The following BBS4 variants were observed in gnomAD, a reference collection of about 807,000 sequenced individuals.
BBS4 encodes the protein Bardet-Biedl syndrome 4, also known as BBSome complex member BBS4.
A neutral mutation model predicts 71.4 loss-of-function variants in BBS4; 58 were observed. That is an observed-to-expected ratio of 0.81 (90% CI 0.66 to 1.01). The LOEUF is 1.01. BBS4 is among the 50% of genes least tolerant of loss of function. BBS4 has a pLI of 0.00. For missense variants in BBS4, 660 were observed against 607.9 expected (o/e 1.09, Z -0.90); for synonymous variants, 228 against 216.8 (o/e 1.05, Z -0.46).
chr15:72,714,220 CTTTTTTTTT>C (rs58123834), intron 4 of BBS4, among the ~76,000 whole-genome samples: 3 of 98,448 alleles, frequency 3.0e-5, no homozygotes, highest in Admixed American at 1.3e-4. Context: ...CACTCACTTA[CTTTTTTTTT>C]TTTTTTTTTT....
intron 1 of BBS4, among the ~76,000 whole-genome samples, chr15:72,691,335 A>G (rs934680503): frequency 6.6e-6 from 1 of 152,110 alleles, no homozygotes; most frequent in African/African-American, 2.4e-5. Context: ...GCTTTAAAGG[A>G]TAATATAATG....
intron 2 of BBS4, among the ~76,000 whole-genome samples, chr15:72,700,998 A>G (rs116327443): frequency 8.9e-4 from 136 of 152,336 alleles, no homozygotes; most frequent in African/African-American, 3.1e-3. Flanking sequence ...AAGTACATAC[A>G]TAAATCATAA....
chr15:72,716,485 CT>C (rs1334466460), intron 5 of BBS4, among the ~76,000 whole-genome samples: 1 of 152,122 alleles, frequency 6.6e-6, no homozygotes, highest in Non-Finnish European at 1.5e-5. Flanking sequence ...AGGCTTATTT[CT>C]TTTTTGGTCT....
chr15:72,722,972 T>G (rs777950566), intron 7 of BBS4, 125 bp downstream of exon 7: 1 of 770,432 alleles, frequency 1.3e-6, no homozygotes, highest in Non-Finnish European at 2.2e-6. Context: ...TGAAAGTACC[T>G]TTATACATTT....
At chr15:72,735,994 C>G in intron 14 of BBS4, 28 bp downstream of exon 14, 1 of 1,613,448 alleles carries the variant, frequency 6.2e-7, no homozygotes, top group Non-Finnish European at 8.5e-7. Flanking sequence ...TCCCAAGAGT[C>G]ATAAGTAAGC....
chr15:72,706,835 AT>A (rs952171764), intron 2 of BBS4, among the ~76,000 whole-genome samples: 2 of 151,668 alleles, frequency 1.3e-5, no homozygotes, highest in Admixed American at 6.6e-5. Flanking sequence ...CTTCTTTTTT[AT>A]TTTTTTAAAA....
intron 2 of BBS4, 63 bp downstream of exon 2, chr15:72,695,291 A>C: frequency 8.1e-7 from 1 of 1,232,582 alleles, no homozygotes; most frequent in Non-Finnish European, 1.2e-6. Context: ...TTATTTATTT[A>C]TTTATTTTTT....
intron 2 of BBS4, chr15:72,704,496 G>A (rs779804062): frequency 1.6e-6 from 2 of 1,244,108 alleles, no homozygotes; most frequent in African/African-American, 1.5e-5. Flanking sequence ...AATTCTAATT[G>A]TAAATTCAGG....
At chr15:72,689,710 CTT>C (rs1468148481) in intron 1 of BBS4, among the ~76,000 whole-genome samples, 1 of 85,768 alleles carries the variant, frequency 1.2e-5, no homozygotes, top group African/African-American at 4.0e-5. Flanking sequence ...CAGAGTGAGA[CTT>C]TGTCTGAAAA....
intron 8 of BBS4, among the ~76,000 whole-genome samples, chr15:72,725,709 C>T (rs1200287955): frequency 3.6e-5 from 4 of 112,226 alleles, no homozygotes; most frequent in Non-Finnish European, 5.3e-5. Flanking sequence ...CCTTCCCTTT[C>T]CCCGTTTTCC....
rs777589678 is a variant in BBS4, at chr15:72,731,726, G to A, written c.1036G>A (p.Val346Met). 3 of 1,613,990 alleles carry A rather than the reference G, an allele frequency of 1.9e-6. No homozygotes were observed. The African/African-American group carries it at 4.0e-5, about 22-fold the overall frequency. Residue 346 changes from valine to methionine, a missense_variant and splice_region_variant, in exon 12 of 16, where the codon GTG becomes ATG. By Grantham distance (21) the Val-to-Met change is conservative (BLOSUM62 1). Transcript: ENST00000268057. ...KMGELYMLLA[V>M]ALTNLEDIEN... ...GGGGGAGCTCTACATGCTCTTGGCA[G>A]GTAAGAAACATTTATGTGGAAAACT...
At chr15:72,719,925 A>G (rs1158410764) in intron 6 of BBS4, among the ~76,000 whole-genome samples, 1 of 151,298 alleles carries the variant, frequency 6.6e-6, no homozygotes, top group Non-Finnish European at 1.5e-5. Context: ...TAATTTTTGT[A>G]TTTTTAGTAG....
chr15:72,725,700 CTTCCCT>C (rs1260331799), intron 8 of BBS4, among the ~76,000 whole-genome samples: 2 of 132,180 alleles, frequency 1.5e-5, no homozygotes, highest in Non-Finnish European at 3.2e-5. Flanking sequence ...CCGTTTTCCC[CTTCCCT>C]TTCCCCGTTT....
intron 12 of BBS4, among the ~76,000 whole-genome samples, chr15:72,732,060 G>T (rs940360736): frequency 6.6e-6 from 1 of 152,126 alleles, no homozygotes; most frequent in Non-Finnish European, 1.5e-5. Flanking sequence ...TAAGAGCTTG[G>T]GTTTTAGGTA....
intron 4 of BBS4, among the ~76,000 whole-genome samples, chr15:72,714,903 AT>A (rs570628838): frequency 7.9e-5 from 12 of 152,338 alleles, no homozygotes; most frequent in African/African-American, 2.9e-4. Flanking sequence ...CATTTGCCCC[AT>A]TTGGGGGTTC....
chr15:72,699,505 A>T (rs925856686), intron 2 of BBS4, among the ~76,000 whole-genome samples: 2 of 152,238 alleles, frequency 1.3e-5, no homozygotes, highest in African/African-American at 4.8e-5. Context: ...TCTGAAATAC[A>T]CACTCTTGAA....
intron 12 of BBS4, among the ~76,000 whole-genome samples, chr15:72,734,850 T>C (rs899833189): frequency 1.3e-5 from 2 of 152,012 alleles, no homozygotes; most frequent in African/African-American, 4.8e-5. Flanking sequence ...ACTTTGACAC[T>C]GGGGAATAAA....
At chr15:72,723,763 T>G (rs2065617386) in intron 7 of BBS4, among the ~76,000 whole-genome samples, 1 of 152,328 alleles carries the variant, frequency 6.6e-6, no homozygotes, top group East Asian at 1.9e-4. Context: ...ATCTATAGTT[T>G]TATATACTTG....
chr15:72,707,452 T>C (rs1258343080), intron 2 of BBS4, among the ~76,000 whole-genome samples: 1 of 152,138 alleles, frequency 6.6e-6, no homozygotes, highest in African/African-American at 2.4e-5. Flanking sequence ...GTGCTGGGAT[T>C]ATAGGCATGA....
Sources: gnomAD v4.1 joint callset for allele counts (sites outside exome capture counted in the v4.1 genomes callset) on GRCh38, gnomAD v4.1.1 for gene constraint, MANE v1.5 for transcripts, NCBI Gene and HGNC (gene_info 2026-07-23, HGNC 2026-07-21) for gene names.